Variants in PRKCA observed in about 807,000 individuals in gnomAD.
The protein encoded by PRKCA is protein kinase C alpha type.
A neutral mutation model predicts 87.0 loss-of-function variants in PRKCA; 27 were observed. The observed-to-expected ratio is 0.31, with a 90% CI of 0.23 to 0.43. The LOEUF is 0.43. Among genes scored for constraint, PRKCA ranks in the 20% least tolerant of loss-of-function variants. The pLI is 1.00. For synonymous variants in PRKCA, 329 were observed against 311.1 expected, an observed-to-expected ratio of 1.06 and a Z score of -0.61; for missense variants, 518 against 852.3, an observed-to-expected ratio of 0.61 and a Z score of 4.88.
At chr17:66,362,558 C>T (rs77268449) in intron 2 of PRKCA, among the ~76,000 whole-genome samples, 3,311 of 152,268 alleles carry the variant, frequency 0.022, 62 homozygotes, top group Non-Finnish European at 0.036. Context: ...AGATAAGTCT[C>T]ACTTTTGTGT....
chr17:66,737,694 C>T (rs1332012396), intron 10 of PRKCA, among the ~76,000 whole-genome samples: 1 of 152,188 alleles, frequency 6.6e-6, no homozygotes, highest in Non-Finnish European at 1.5e-5. Context: ...GCGCTGGCGG[C>T]ACGTTGAGCT....
intron 2 of PRKCA, among the ~76,000 whole-genome samples, chr17:66,488,919 GATATA>G (rs1220231686): frequency 6.6e-6 from 1 of 152,192 alleles, no homozygotes; most frequent in East Asian, 1.9e-4. Flanking sequence ...TTAACATGCA[GATATA>G]ATATAAGCTC....
chr17:66,575,281 T>C (rs1051704147), intron 3 of PRKCA, among the ~76,000 whole-genome samples: 2 of 152,216 alleles, frequency 1.3e-5, no homozygotes, highest in African/African-American at 4.8e-5. Context: ...GTGTGTAATT[T>C]AAAACTTACA....
At chr17:66,706,812 G>A (rs978946198) in intron 8 of PRKCA, among the ~76,000 whole-genome samples, 1 of 152,076 alleles carries the variant, frequency 6.6e-6, no homozygotes, top group African/African-American at 2.4e-5. Flanking sequence ...TTGCTACCAC[G>A]GCAGAGTTGA....
intron 14 of PRKCA, chr17:66,777,601 G>A: frequency 1.0e-6 from 1 of 985,196 alleles, no homozygotes. Context: ...ATTCGGCTCT[G>A]AATTACAGGC....
chr17:66,341,891 G>A (rs1042896857), intron 2 of PRKCA, among the ~76,000 whole-genome samples: 5 of 152,182 alleles, frequency 3.3e-5, no homozygotes, highest in African/African-American at 1.2e-4. Flanking sequence ...AAGATTTCTA[G>A]TGAATTATTT....
chr17:66,396,781 A>T (rs1219385810), intron 2 of PRKCA, among the ~76,000 whole-genome samples: 2 of 151,588 alleles, frequency 1.3e-5, no homozygotes, highest in Non-Finnish European at 2.9e-5. Context: ...GGCACCCGCC[A>T]CCATGCCTCG....
At chr17:66,437,248 G>T (rs987416115) in intron 2 of PRKCA, among the ~76,000 whole-genome samples, 1 of 152,150 alleles carries the variant, frequency 6.6e-6, no homozygotes, top group Non-Finnish European at 1.5e-5. Context: ...AAACAATGGT[G>T]GGCAGATGTG....
intron 16 of PRKCA, among the ~76,000 whole-genome samples, chr17:66,802,237 T>G (rs1445537890): frequency 6.6e-6 from 1 of 151,918 alleles, no homozygotes; most frequent in African/African-American, 2.4e-5. Flanking sequence ...AAAAAAAAAT[T>G]AATAAGCCCA....
Position 66,688,321 on chromosome 17 carries a change from A to G in PRKCA, c.706A>G (p.Lys236Glu). 1 of 1,614,188 alleles carries G rather than the reference A, an allele frequency of 6.2e-7. No homozygotes were observed. Among genetic ancestry groups the G allele is most frequent in the Non-Finnish European group, 8.5e-7 (1 of 1,180,014 alleles). Reference sequence around the variant, plus strand: ...TTGTAGCAAATTGAAACCTTCAGACAAAGACCGACGACTGTCTGTAGAAAT... The same window carrying G: ...TTGTAGCAAATTGAAACCTTCAGACGAAGACCGACGACTGTCTGTAGAAAT... ...SFTFKLKPSD[K>E]DRRLSVEIWD... The change falls in exon 7 of 17, where the codon AAA becomes GAA. Residue 236 changes from lysine to glutamate, a missense_variant. This residue lies in a region of PRKCA where 300 missense variants were observed against 496.8 expected (regional missense o/e 0.60). Coordinates refer to ENST00000413366, the MANE Select transcript of PRKCA (RefSeq NM_002737.3).
chr17:66,384,157 G>C (rs370054368), intron 2 of PRKCA, among the ~76,000 whole-genome samples: 1 of 152,020 alleles, frequency 6.6e-6, no homozygotes, highest in African/African-American at 2.4e-5. Flanking sequence ...AAATATGAAC[G>C]AACAAACTTC....
In PRKCA at chr17:66,441,687, G is replaced by C. The variant is rs543090179; in HGVS notation, c.206-54514G>C. Reference sequence around the variant, plus strand: ...TAAAGGAGGCACGGATAGCTGCTGTGCGGTTTTTTCAACCTGTAGCCAGTT... The same window carrying C: ...TAAAGGAGGCACGGATAGCTGCTGTCCGGTTTTTTCAACCTGTAGCCAGTT... On this transcript the variant is annotated intron_variant, in intron 2 of 16. Coordinates refer to ENST00000413366, the MANE Select transcript of PRKCA (RefSeq NM_002737.3). Among the ~76,000 whole-genome samples the C allele has an allele frequency of 5.3e-5, 8 of 152,130 alleles. No individual in the cohort carries two copies. The South Asian group carries it at 6.2e-4, about 12-fold the overall frequency.
intron 3 of PRKCA, among the ~76,000 whole-genome samples, chr17:66,639,731 G>A (rs540147769): frequency 1.0e-3 from 158 of 151,894 alleles, no homozygotes; most frequent in African/African-American, 3.6e-3. Context: ...GCGCGGTGGC[G>A]CATGCCTGTA....
intron 11 of PRKCA, among the ~76,000 whole-genome samples, chr17:66,740,327 CAG>C (rs1227965938): frequency 6.6e-6 from 1 of 152,090 alleles, no homozygotes; most frequent in East Asian, 1.9e-4. Context: ...TCTCACCTCT[CAG>C]GGGCCAGGAA....
intron 3 of PRKCA, among the ~76,000 whole-genome samples, chr17:66,640,458 G>A (rs759043346): frequency 9.8e-5 from 15 of 152,318 alleles, no homozygotes; most frequent in African/African-American, 2.2e-4. Context: ...ATGGGGAGGC[G>A]TAATTTCAGT....
chr17:66,785,892 A>C (rs1458711108), intron 14 of PRKCA, among the ~76,000 whole-genome samples: 4 of 152,166 alleles, frequency 2.6e-5, no homozygotes, highest in Non-Finnish European at 5.9e-5. Context: ...GCAGTGGTGC[A>C]ATCTCAGCTC....
chr17:66,401,115 C>T (rs920099421), intron 2 of PRKCA, among the ~76,000 whole-genome samples: 10 of 152,110 alleles, frequency 6.6e-5, no homozygotes, highest in South Asian at 4.1e-4. Flanking sequence ...ACACAGTTCC[C>T]GCCCTCAAGG....
intron 8 of PRKCA, among the ~76,000 whole-genome samples, chr17:66,690,164 C>T (rs961949556): frequency 6.6e-6 from 1 of 152,228 alleles, no homozygotes; most frequent in Admixed American, 6.5e-5. Context: ...GTAAAACATG[C>T]AGTTGTTCAA....
At chr17:66,784,696 G>A (rs553579813) in intron 14 of PRKCA, among the ~76,000 whole-genome samples, 86 of 152,318 alleles carry the variant, frequency 5.6e-4, no homozygotes, top group Middle Eastern at 3.4e-3. Flanking sequence ...GGGAAGATAC[G>A]GTGGGGTGGA....
Sources: allele counts gnomAD v4.1 joint callset (sites outside exome capture counted in the v4.1 genomes callset), GRCh38; gene constraint gnomAD v4.1.1; regional missense constraint gnomAD v4.1.1; transcripts MANE v1.5; gene names NCBI Gene and HGNC (gene_info 2026-07-23, HGNC 2026-07-21).